The following CSNK2A1 variants were observed in gnomAD, a reference collection of about 807,000 sequenced individuals.
The protein encoded by CSNK2A1 is casein kinase II subunit alpha.
Under a neutral mutation model 62.9 loss-of-function variants are expected in CSNK2A1, and 10 were observed. The ratio of observed to expected loss-of-function variants is 0.16; its 90% CI spans 0.10 to 0.27. CSNK2A1 has a LOEUF of 0.27. CSNK2A1 is among the 10% of genes least tolerant of loss of function. CSNK2A1 has a pLI of 1.00. For missense variants in CSNK2A1, 160 were observed against 492.0 expected, an observed-to-expected ratio of 0.33 and a Z score of 6.38; for synonymous variants, 124 against 167.8, an observed-to-expected ratio of 0.74 and a Z score of 2.02.
intron 9 of CSNK2A1, among the ~76,000 whole-genome samples, chr20:490,353 G>GA (rs1446373622): frequency 5.6e-5 from 3 of 53,496 alleles, no homozygotes; most frequent in African/African-American, 3.3e-4. Flanking sequence ...TTTTTTTTTA[G>GA]TTTTTTTTTT....
chr20:499,953 AT>A lies in CSNK2A1; in HGVS notation c.214-20del. 6.4e-7 allele frequency: 1 copy of A among 1,552,198 alleles called. No individual in the cohort carries two copies. Among genetic ancestry groups the A allele is most frequent in the Admixed American group, 1.9e-5 (1 of 52,580 alleles). Reference sequence around the variant, plus strand: ...TTACTGGCTGAAAGGGGAAAAGTACATCAGCAAAAAAAAAAAAAAAAAATTT... The same window carrying A: ...TTACTGGCTGAAAGGGGAAAAGTACACAGCAAAAAAAAAAAAAAAAAATTT... On this transcript the variant is annotated intron_variant, in intron 4 of 13. Coordinates refer to ENST00000217244, the MANE Select transcript of CSNK2A1 (RefSeq NM_177559.3). This position sits in a 1 kb window ranked among gnomAD's most constrained non-coding sequence, Gnocchi z 4.2.
intron 1 of CSNK2A1, among the ~76,000 whole-genome samples, chr20:535,958 C>T (rs2019310936): frequency 6.6e-6 from 1 of 152,102 alleles, no homozygotes; most frequent in Non-Finnish European, 1.5e-5. Flanking sequence ...GATCAGAGAA[C>T]CACTGGGAGT....
chr20:490,704 CT>C (rs11476971), intron 9 of CSNK2A1, among the ~76,000 whole-genome samples: 44,683 of 134,148 alleles, frequency 0.33, 7,540 homozygotes, highest in East Asian at 0.67. Flanking sequence ...GTGCCTGGCT[CT>C]TTTTTTTTTT....
chr20:484,927 C>T (rs554081225), intron 13 of CSNK2A1, among the ~76,000 whole-genome samples: 19 of 149,842 alleles, frequency 1.3e-4, no homozygotes, highest in African/African-American at 3.9e-4. Context: ...ATTAGCTGGG[C>T]GTCATGGCGG....
At chr20:487,174 G>A (rs1568500064) in intron 12 of CSNK2A1, 2 of 527,548 alleles carry the variant, frequency 3.8e-6, no homozygotes, top group South Asian at 2.7e-5. Context: ...TCCAGACTGA[G>A]GCACTGAGAA....
chr20:514,189 T>C (rs1263856159), intron 2 of CSNK2A1, among the ~76,000 whole-genome samples: 2 of 151,540 alleles, frequency 1.3e-5, no homozygotes, highest in South Asian at 4.2e-4. Flanking sequence ...ACAAATAACA[T>C]AAAAATGAGC....
chr20:514,126 T>C (rs1453937900), intron 2 of CSNK2A1, among the ~76,000 whole-genome samples: 1 of 152,000 alleles, frequency 6.6e-6, no homozygotes, highest in Non-Finnish European at 1.5e-5. Flanking sequence ...GCAGGATCAC[T>C]TGAGCCCAGG....
In CSNK2A1 at chr20:489,862, T is replaced by C; in HGVS notation, c.641A>G (p.Asp214Gly). The C allele has an allele frequency of 6.2e-7, 1 of 1,612,550 alleles. No homozygotes were observed. The highest frequency in any genetic ancestry group is 8.5e-7 in the Non-Finnish European group (1 of 1,179,044). The change falls in exon 10 of 14, where the codon GAT becomes GGT. Residue 214 changes from aspartate (D) to glycine (G), a missense_variant. Asp to Gly is a moderately conservative substitution (Grantham distance 94, BLOSUM62 -1). Coordinates refer to ENST00000217244, the MANE Select transcript of CSNK2A1 (RefSeq NM_177559.3). ...VDYQMYDYSL[D>G]MWSLGCMLAS... is the part of the protein sequence containing the mutation. ...CAGCATACAACCCAAACTCCACATA[T>C]CCAAACTATAATCGTACATCTGCAT...
intron 1 of CSNK2A1, among the ~76,000 whole-genome samples, chr20:531,562 G>A (rs2019213240): frequency 6.6e-6 from 1 of 152,064 alleles, no homozygotes; most frequent in Non-Finnish European, 1.5e-5. Flanking sequence ...AAAGCAGCAT[G>A]TACATGTACA....
intron 2 of CSNK2A1, among the ~76,000 whole-genome samples, chr20:526,118 G>A (rs1041481949): frequency 9.9e-5 from 15 of 152,026 alleles, no homozygotes; most frequent in South Asian, 2.1e-4. Context: ...GGAAAAAAAC[G>A]GGAAAAGCAG....
intron 2 of CSNK2A1, among the ~76,000 whole-genome samples, chr20:524,630 TGAGGC>T (rs2019033302): frequency 1.1e-5 from 1 of 90,334 alleles, no homozygotes; most frequent in South Asian, 2.7e-4. Flanking sequence ...CTCAGGAGGC[TGAGGC>T]TGGAGAATCG....
At chr20:525,424 G>A (rs576584678) in intron 2 of CSNK2A1, among the ~76,000 whole-genome samples, 159 of 151,354 alleles carry the variant, frequency 1.1e-3, no homozygotes, top group African/African-American at 2.9e-3. Context: ...AGGCTGAGGC[G>A]GGCGGATCAC....
intron 12 of CSNK2A1, 33 bp from the exon 13 acceptor site, chr20:486,495 T>G: frequency 6.2e-7 from 1 of 1,611,138 alleles, no homozygotes; most frequent in Non-Finnish European, 8.5e-7. Flanking sequence ...AGGTTCTGTT[T>G]TGCTTGAAAG....
At position 479,202 on chromosome 20, in the gene CSNK2A1, A is replaced by G. The variant is rs1444739406; in HGVS notation, c.*4759T>C. 6.6e-6 allele frequency: 1 copy of G among 152,332 alleles called. No individual in the cohort carries two copies. Among genetic ancestry groups the G allele is most frequent in the East Asian group, 1.9e-4 (1 of 5,204 alleles). 9.4% of individuals were successfully genotyped at this position (152,332 alleles called of 1,614,324 possible). A position where few individuals can be genotyped will look rare whatever the true frequency, so the allele number is the denominator to read the frequency against. ...ATGCAAACATCTATGGCCTCCCTAT[A>G]ATGTAGCATCCTTTTACTGTACATA... On this transcript the variant is annotated 3_prime_UTR_variant, in exon 14 of 14. Transcript: ENST00000217244.
intron 1 of CSNK2A1, among the ~76,000 whole-genome samples, chr20:536,157 C>A (rs555813386): frequency 6.6e-6 from 1 of 152,190 alleles, no homozygotes; most frequent in African/African-American, 2.4e-5. Flanking sequence ...TACTGATCCA[C>A]CCCTAGGCAG....
intron 2 of CSNK2A1, among the ~76,000 whole-genome samples, chr20:513,851 T>C (rs1253030660): frequency 6.6e-6 from 1 of 152,190 alleles, no homozygotes; most frequent in Non-Finnish European, 1.5e-5. Context: ...AAGCTAACTA[T>C]TTTTGCAGTA....
At chr20:497,447 G>A (rs2018368262) in intron 7 of CSNK2A1, among the ~76,000 whole-genome samples, 1 of 151,338 alleles carries the variant, frequency 6.6e-6, no homozygotes, top group Non-Finnish European at 1.5e-5. Context: ...CCATGCCCAG[G>A]TAATTAAACA....
rs1344819412 is a variant in CSNK2A1, at chr20:474,808, A to T, written c.*9153T>A. The T allele has an allele frequency of 6.6e-6, 1 of 152,184 alleles. No homozygotes were observed. Among genetic ancestry groups the T allele is most frequent in the East Asian group, 1.9e-4 (1 of 5,196 alleles). The allele number at this position is 152,184 out of a possible 1,614,324, so 9.4% of individuals were successfully genotyped here. Reference sequence around the variant, plus strand: ...ACCAGTATTCAGTGTTTCCATTATGACTACGTAAATTCTAATCACAGCTGA... The same window carrying T: ...ACCAGTATTCAGTGTTTCCATTATGTCTACGTAAATTCTAATCACAGCTGA... On this transcript the variant is annotated 3_prime_UTR_variant, in exon 14 of 14. Coordinates refer to ENST00000217244, the MANE Select transcript of CSNK2A1 (RefSeq NM_177559.3).
chr20:503,204 G>A (rs1035363445), intron 4 of CSNK2A1: 3 of 326,498 alleles, frequency 9.2e-6, no homozygotes, highest in Non-Finnish European at 1.7e-5. Flanking sequence ...GAGTGCAGTG[G>A]TTTGATCATA....
Sources: gnomAD v4.1 joint callset for allele counts (sites outside exome capture counted in the v4.1 genomes callset) on GRCh38, gnomAD v4.1.1 for gene constraint, Gnocchi (gnomAD v3.1) non-coding constraint, MANE v1.5 for transcripts, NCBI Gene and HGNC (gene_info 2026-07-23, HGNC 2026-07-21) for gene names.